The following SULT1C3 variants were observed in gnomAD, a reference collection of about 807,000 sequenced individuals.
The protein encoded by SULT1C3 is sulfotransferase 1C3.
SULT1C3 carries 31 observed loss-of-function variants against 28.4 expected under a neutral mutation model. That is an observed-to-expected ratio of 1.09 (90% CI 0.82 to 1.47). SULT1C3 has a LOEUF of 1.47. Among genes scored for constraint, SULT1C3 ranks in the 40% most tolerant of loss-of-function variants. The pLI is 0.00. For missense variants in SULT1C3, 307 were observed against 272.5 expected, an observed-to-expected ratio of 1.13 and a Z score of -0.89; for synonymous variants, 106 against 92.2, an observed-to-expected ratio of 1.15 and a Z score of -0.86.
In SULT1C3 at chr2:108,239,986, G is replaced by A. The variant is rs1186712690; in HGVS notation, c.-105G>A. 1.3e-5 allele frequency among the ~76,000 whole-genome samples: 2 copies of A among 152,146 alleles called. No homozygotes were observed. Among genetic ancestry groups the A allele is most frequent in the Admixed American group, 1.3e-4 (2 of 15,282 alleles). Reference sequence around the variant, plus strand: ...CACCATCCTCACCTGCTGTGCTCTTGCTTGCACAGTGTCCTGGAGCTGGAC... The same window carrying A: ...CACCATCCTCACCTGCTGTGCTCTTACTTGCACAGTGTCCTGGAGCTGGAC... On this transcript the variant is annotated 5_prime_UTR_variant, in exon 1 of 8. Coordinates refer to ENST00000681802, the MANE Select transcript of SULT1C3 (RefSeq NM_001320878.2).
downstream of SULT1C3, among the ~76,000 whole-genome samples, chr2:108,263,832 C>T (rs980706351): frequency 4.6e-5 from 7 of 152,184 alleles, no homozygotes; most frequent in Admixed American, 2.0e-4. Flanking sequence ...TCTAAATCTG[C>T]TTTGCTTTAA....
intron 1 of SULT1C3, among the ~76,000 whole-genome samples, chr2:108,243,743 T>C (rs1675522121): frequency 1.3e-5 from 2 of 152,212 alleles, no homozygotes; most frequent in South Asian, 4.1e-4. Flanking sequence ...TATGAGATTT[T>C]GACCCTCCCT....
In SULT1C3 at chr2:108,252,351, T is replaced by C. The variant is rs1371589480; in HGVS notation, c.173-14T>C. On this transcript the variant is annotated splice_polypyrimidine_tract_variant and intron_variant, in intron 2 of 7. Transcript: ENST00000681802. ...AATTGACTAAAATTAAAGAACTATT[T>C]CAAATATTTTCAGGTACAACATGGA... The C allele has an allele frequency of 3.8e-6, 6 of 1,591,598 alleles. No homozygotes were observed. Among genetic ancestry groups the C allele is most frequent in the Non-Finnish European group, 5.1e-6 (6 of 1,171,194 alleles).
chr2:108,262,534 G>C (rs1351913521), downstream of SULT1C3, among the ~76,000 whole-genome samples: 6 of 152,130 alleles, frequency 3.9e-5, no homozygotes, highest in South Asian at 1.0e-3. Context: ...GTAGAAGATG[G>C]GATCACGGGT....
intron 1 of SULT1C3, among the ~76,000 whole-genome samples, chr2:108,246,590 AAG>A (rs1273938612): frequency 6.6e-6 from 1 of 152,194 alleles, no homozygotes; most frequent in Non-Finnish European, 1.5e-5. Flanking sequence ...ACATGGGTAC[AAG>A]AGAGTTTTTT....
downstream of SULT1C3, among the ~76,000 whole-genome samples, chr2:108,261,293 T>C (rs1573227840): frequency 6.6e-6 from 1 of 152,104 alleles, no homozygotes; most frequent in East Asian, 1.9e-4. Context: ...AGTCAGTGAG[T>C]ACTCCTGTAA....
intron 1 of SULT1C3, among the ~76,000 whole-genome samples, chr2:108,240,556 T>C (rs1675442107): frequency 6.6e-6 from 1 of 152,146 alleles, no homozygotes; most frequent in Non-Finnish European, 1.5e-5. Context: ...AGATTATGGG[T>C]GGGCACCCTA....
intron 1 of SULT1C3, among the ~76,000 whole-genome samples, chr2:108,245,135 T>G (rs1193853779): frequency 6.6e-6 from 1 of 152,200 alleles, no homozygotes; most frequent in Non-Finnish European, 1.5e-5. Flanking sequence ...CTTTGGCTCC[T>G]GAATCCTGGC....
intron 7 of SULT1C3, among the ~76,000 whole-genome samples, chr2:108,259,840 C>T (rs1034424549): frequency 2.6e-5 from 4 of 152,000 alleles, no homozygotes; most frequent in Admixed American, 6.6e-5. Flanking sequence ...AAAGTGGAAG[C>T]TATACTAGGA....
chr2:108,251,693 G>A lies in SULT1C3; in HGVS notation c.173-672G>A, dbSNP rs762664562. 6.6e-5 allele frequency among the ~76,000 whole-genome samples: 10 copies of A among 151,900 alleles called. No individual in the cohort carries two copies. The East Asian group carries it at 1.2e-3, about 18-fold the overall frequency. ...GTACTATAGGACAGCTGGCTAATTCGTTCAAAAACCAATGTCAAAGAACAA... is the reference window on the plus strand; with the variant it reads ...GTACTATAGGACAGCTGGCTAATTCATTCAAAAACCAATGTCAAAGAACAA... On this transcript the variant is annotated intron_variant, in intron 2 of 7. Coordinates refer to ENST00000681802, the MANE Select transcript of SULT1C3 (RefSeq NM_001320878.2).
chr2:108,265,152 C>T, downstream of SULT1C3: 1 of 1,442,460 alleles, frequency 6.9e-7, no homozygotes, highest in South Asian at 1.3e-5. Flanking sequence ...TTGCCTGTTT[C>T]TCCTCATTCT....
intron 4 of SULT1C3, among the ~76,000 whole-genome samples, chr2:108,253,787 A>G (rs1043309679): frequency 9.2e-5 from 14 of 152,064 alleles, no homozygotes; most frequent in African/African-American, 3.4e-4. Flanking sequence ...CCAAAGTACT[A>G]GAAGATATTC....
downstream of SULT1C3, among the ~76,000 whole-genome samples, chr2:108,261,582 G>T (rs1676028730): frequency 1.3e-5 from 2 of 152,124 alleles, no homozygotes; most frequent in South Asian, 4.2e-4. Flanking sequence ...GCCTTAGGGA[G>T]TAGGTGGATG....
chr2:108,254,761 ATATG>A (rs1187530716), intron 4 of SULT1C3, among the ~76,000 whole-genome samples: 2 of 148,832 alleles, frequency 1.3e-5, no homozygotes, highest in East Asian at 1.9e-4. Context: ...ATGTATGTAT[ATATG>A]TATGTATGCA....
At chr2:108,256,498 C>T (rs746718378) in intron 5 of SULT1C3, among the ~76,000 whole-genome samples, 11 of 152,014 alleles carry the variant, frequency 7.2e-5, no homozygotes, top group Admixed American at 5.9e-4. Flanking sequence ...AATGGATAAA[C>T]ATTACATGGT....
intron 2 of SULT1C3, among the ~76,000 whole-genome samples, chr2:108,248,316 C>T (rs774500661): frequency 4.6e-5 from 7 of 152,074 alleles, no homozygotes; most frequent in Non-Finnish European, 8.8e-5. Context: ...ATGTGTACTC[C>T]AGCCATAATA....
downstream of SULT1C3, among the ~76,000 whole-genome samples, chr2:108,263,592 T>C (rs1229675277): frequency 1.3e-5 from 2 of 152,196 alleles, no homozygotes; most frequent in Non-Finnish European, 2.9e-5. Context: ...GGAGGTCTAT[T>C]TGTTCCCAGC....
At chr2:108,252,892 C>A (rs1451676752) in intron 3 of SULT1C3, among the ~76,000 whole-genome samples, 1 of 151,868 alleles carries the variant, frequency 6.6e-6, no homozygotes, top group African/African-American at 2.4e-5. Context: ...TGGACATTCC[C>A]AGAATTAATT....
At chr2:108,246,238 T>C (rs1675573183) in intron 1 of SULT1C3, among the ~76,000 whole-genome samples, 1 of 152,220 alleles carries the variant, frequency 6.6e-6, no homozygotes, top group African/African-American at 2.4e-5. Flanking sequence ...AATCTCTGCC[T>C]GTTACCCAGT....
Sources: gnomAD v4.1 joint callset for allele counts (sites outside exome capture counted in the v4.1 genomes callset) on GRCh38, gnomAD v4.1.1 for gene constraint, MANE v1.5 for transcripts, NCBI Gene and HGNC (gene_info 2026-07-23, HGNC 2026-07-21) for gene names.